Variants in KCNQ3 observed in about 807,000 individuals in gnomAD.
The protein encoded by KCNQ3 is potassium voltage-gated channel subfamily KQT member 3.
KCNQ3 carries 30 observed loss-of-function variants against 92.5 expected under a neutral mutation model. The ratio of observed to expected loss-of-function variants is 0.32; its 90% confidence interval spans 0.24 to 0.44. The LOEUF is 0.44. Among genes scored for constraint, KCNQ3 ranks in the 20% least tolerant of loss-of-function variants. The probability of loss-of-function intolerance (pLI) is 1.00; values close to 1 mark genes in which losing one functional copy is unlikely to be tolerated. For missense variants in KCNQ3, 913 were observed against 1,140.3 expected, an observed-to-expected ratio of 0.80 and a Z score of 2.87; for synonymous variants, 450 against 468.8, an observed-to-expected ratio of 0.96 and a Z score of 0.52.
chr8:132,309,537 A>G (rs1272617496), intron 1 of KCNQ3, among the ~76,000 whole-genome samples: 1 of 152,186 alleles, frequency 6.6e-6, no homozygotes, highest in East Asian at 1.9e-4. Context: ...GGCACCCCAA[A>G]CACCCTGGAC....
rs969312456 is a variant in KCNQ3, at chr8:132,376,425, A to G, written c.386+103722T>C. Among the ~76,000 whole-genome samples the G allele has an allele frequency of 3.3e-5, 5 of 152,148 alleles. No homozygotes were observed. In the South Asian group the frequency reaches 1.0e-3, roughly 32 times the overall value. On this transcript the variant is annotated intron_variant, in intron 1 of 14. Transcript: ENST00000388996. ...GTACAGTCCTCACATTGTTCTCCCA[A>G]TAACTCACCCAGCCCTGGGCACACA... is the stretch of plus-strand genomic sequence containing the variant.
rs566846445 is a variant in KCNQ3 at position 132,465,405 on chromosome 8, C to T, written c.386+14742G>A. 8.1e-5 allele frequency among the ~76,000 whole-genome samples: 12 copies of T among 147,860 alleles called. No homozygotes were observed. The South Asian group carries it at 2.2e-3, about 27-fold the overall frequency. ...CAGCTTGGGCAACATAGTGAGACCC[C>T]GCCTCTACAAAAAACAATTTTAAAA... On this transcript the variant is annotated intron_variant, in intron 1 of 14. Coordinates refer to ENST00000388996, the MANE Select transcript of KCNQ3 (RefSeq NM_004519.4).
In KCNQ3 at chr8:132,239,880, T is replaced by C. The variant is rs547119561; in HGVS notation, c.387-53699A>G. On this transcript the variant is annotated intron_variant, in intron 1 of 14. Transcript: ENST00000388996. Reference sequence around the variant, plus strand: ...TAGTTGTGAATATTTAAAGGTCCGATGACAACCTTTGACACAAAGTAGATA... The same window carrying C: ...TAGTTGTGAATATTTAAAGGTCCGACGACAACCTTTGACACAAAGTAGATA... Among the ~76,000 whole-genome samples, 253 of 152,348 alleles carry C rather than the reference T, an allele frequency of 1.7e-3. 1 individual carries two copies. Among genetic ancestry groups the C allele is most frequent in the African/African-American group, 5.8e-3 (243 of 41,586 alleles).
In KCNQ3 at chr8:132,384,354, C is replaced by A. The variant is rs545312066; in HGVS notation, c.386+95793G>T. Among the ~76,000 whole-genome samples the A allele has an allele frequency of 1.4e-4, 21 of 152,232 alleles. No individual in the cohort carries two copies. In the South Asian group the frequency reaches 4.4e-3, roughly 32 times the overall value. ...ATGAGCGATTTCTTCACAAGAAGAG[C>A]AGATAGGAAGGAAGTAAACATCTTG... On this transcript the variant is annotated intron_variant, in intron 1 of 14. Transcript: ENST00000388996.
At chr8:132,280,965 C>T (rs1870232) in intron 1 of KCNQ3, among the ~76,000 whole-genome samples, 66,504 of 151,782 alleles carry the variant, frequency 0.44, 16,543 homozygotes, top group East Asian at 0.68. Context: ...CTTTATTTTC[C>T]GAAAAAAGCT....
intron 1 of KCNQ3, among the ~76,000 whole-genome samples, chr8:132,287,083 A>G (rs1816698469): frequency 6.6e-6 from 1 of 152,238 alleles, no homozygotes; most frequent in Admixed American, 6.5e-5. Context: ...ATAAAAACCA[A>G]CTAAGGCAGA....
intron 12 of KCNQ3, among the ~76,000 whole-genome samples, chr8:132,136,657 G>A (rs1321018632): frequency 6.6e-6 from 1 of 152,052 alleles, no homozygotes; most frequent in Non-Finnish European, 1.5e-5. Context: ...TCATCACAAG[G>A]TCTAGGCAGA....
intron 1 of KCNQ3, 70 bp from the exon 2 acceptor site, chr8:132,186,251 A>G (rs1181670594): frequency 1.2e-5 from 13 of 1,107,072 alleles, no homozygotes; most frequent in Non-Finnish European, 1.8e-5. Flanking sequence ...AAGATGGGGA[A>G]AGGTGTCTTC....
Position 132,394,410 on chromosome 8 carries a change from A to C in KCNQ3, c.386+85737T>G, listed in dbSNP as rs574501455. ...CCTGGGAACATGACTCAGTTTCCCT[A>C]TGTCATAGAAAACAGTGATAAGAGT... On this transcript the variant is annotated intron_variant, in intron 1 of 14. Coordinates refer to ENST00000388996, the MANE Select transcript of KCNQ3 (RefSeq NM_004519.4). 5.3e-5 allele frequency among the ~76,000 whole-genome samples: 8 copies of C among 152,274 alleles called. No homozygotes were observed. The East Asian group carries it at 1.5e-3, about 29-fold the overall frequency.
chr8:132,340,282 A>C (rs1818488824), intron 1 of KCNQ3, among the ~76,000 whole-genome samples: 2 of 152,174 alleles, frequency 1.3e-5, no homozygotes, highest in African/African-American at 4.8e-5. Flanking sequence ...AAGGATTATA[A>C]ATCATTCTAC....
At chr8:132,443,934 T>A (rs951966404) in intron 1 of KCNQ3, among the ~76,000 whole-genome samples, 3 of 152,122 alleles carry the variant, frequency 2.0e-5, no homozygotes, top group African/African-American at 7.2e-5. Context: ...ACTTTATAAA[T>A]AATAAGTGAT....
intron 1 of KCNQ3, among the ~76,000 whole-genome samples, chr8:132,257,108 A>G (rs1815614412): frequency 6.6e-6 from 1 of 152,202 alleles, no homozygotes; most frequent in African/African-American, 2.4e-5. Flanking sequence ...CACAAAGAAG[A>G]GAAGAGAGAA....
At chr8:132,443,023 G>A (rs1258649773) in intron 1 of KCNQ3, among the ~76,000 whole-genome samples, 2 of 152,174 alleles carry the variant, frequency 1.3e-5, no homozygotes, top group Non-Finnish European at 2.9e-5. Context: ...CTCATCTGCG[G>A]CCGGTAATCC....
rs185365728 is a variant in KCNQ3 at position 132,443,127 on chromosome 8, T to C, written c.386+37020A>G. Among the ~76,000 whole-genome samples the C allele has an allele frequency of 5.4e-4, 83 of 152,322 alleles. 1 individual carries two copies. The East Asian group carries it at 0.01, about 19-fold the overall frequency. Reference sequence around the variant, plus strand: ...CTATTGCTAAGGCCCCGCTTGAGCATAACCTTTGGAAATAAAGGTAGGGAG... The same window carrying C: ...CTATTGCTAAGGCCCCGCTTGAGCACAACCTTTGGAAATAAAGGTAGGGAG... On this transcript the variant is annotated intron_variant, in intron 1 of 14. Coordinates refer to ENST00000388996, the MANE Select transcript of KCNQ3 (RefSeq NM_004519.4).
At chr8:132,446,154 C>A (rs1284161908) in intron 1 of KCNQ3, among the ~76,000 whole-genome samples, 2 of 152,168 alleles carry the variant, frequency 1.3e-5, no homozygotes, top group African/African-American at 4.8e-5. Flanking sequence ...AACCAGATGA[C>A]CTCCTGGTAC....
At chr8:132,228,577 T>C (rs1299843725) in intron 1 of KCNQ3, among the ~76,000 whole-genome samples, 1 of 152,066 alleles carries the variant, frequency 6.6e-6, no homozygotes, top group Non-Finnish European at 1.5e-5. Context: ...TAGTGAACAC[T>C]CAAAAAATAC....
intron 8 of KCNQ3, among the ~76,000 whole-genome samples, chr8:132,169,317 A>G (rs961927119): frequency 9.9e-5 from 15 of 152,106 alleles, no homozygotes; most frequent in Non-Finnish European, 1.9e-4. Context: ...ATGCACCTCA[A>G]ATCTTCTGAC....
chr8:132,424,507 A>G (rs558477384), intron 1 of KCNQ3, among the ~76,000 whole-genome samples: 1 of 152,340 alleles, frequency 6.6e-6, no homozygotes, highest in East Asian at 1.9e-4. Context: ...AGACCAGGGC[A>G]AGAGCCCAGG....
Position 132,416,948 on chromosome 8 carries a change from G to A in KCNQ3, c.386+63199C>T, listed in dbSNP as rs150532147. On this transcript the variant is annotated intron_variant, in intron 1 of 14. Coordinates refer to ENST00000388996, the MANE Select transcript of KCNQ3 (RefSeq NM_004519.4). The stretch of plus-strand genomic sequence containing the variant: ...AATCTAAACAGAAGGGCTAACATGT[G>A]CAAGGGGACACGTCTGAGGGAGCCT... Among the ~76,000 whole-genome samples, 175 of 152,322 alleles carry A rather than the reference G, an allele frequency of 1.1e-3. 1 individual carries two copies. The highest frequency in any genetic ancestry group is 4.0e-3 in the African/African-American group (165 of 41,578).
Sources: gnomAD v4.1 joint callset for allele counts (sites outside exome capture counted in the v4.1 genomes callset) on GRCh38, gnomAD v4.1.1 for gene constraint, MANE v1.5 for transcripts, NCBI Gene and HGNC (gene_info 2026-07-23, HGNC 2026-07-21) for gene names.